GTF3C6: variants seen among roughly 807,000 people sequenced by gnomAD.
The protein encoded by GTF3C6 is general transcription factor IIIC subunit 6.
Under a neutral mutation model 19.2 loss-of-function variants are expected in GTF3C6, and 11 were observed. That is an observed-to-expected ratio of 0.57 (90% CI 0.36 to 0.95). The LOEUF is 0.95. Ranked by LOEUF, GTF3C6 falls within the 40% of genes least tolerant of loss-of-function variation. The probability of loss-of-function intolerance (pLI) is 0.01; values close to 1 mark genes in which losing one functional copy is unlikely to be tolerated. For synonymous variants in GTF3C6, 87 were observed against 84.2 expected (o/e 1.03, Z -0.18); for missense variants, 222 against 254.7 (o/e 0.87, Z 0.87).
At chr6:110,967,184 GTTT>G in intron 5 of GTF3C6, among the ~76,000 whole-genome samples, 1 of 151,976 alleles carries the variant, frequency 6.6e-6, no homozygotes, top group East Asian at 1.9e-4. Context: ...GAAGTGATAA[GTTT>G]CCTTGAAGGC....
chr6:110,959,386 A>G (rs1206875672), intron 2 of GTF3C6, 134 bp downstream of exon 2: 1 of 596,974 alleles, frequency 1.7e-6, no homozygotes, highest in East Asian at 3.0e-5. Context: ...AAGGATAAGA[A>G]GTATACTAAG....
chr6:110,958,806 G>C lies in GTF3C6; in HGVS notation c.37G>C (p.Gly13Arg). Residue 13 changes from glycine (G) to arginine (R), a missense_variant, in exon 1 of 6, where the codon GGA (glycine) becomes CGA (arginine). Transcript: ENST00000329970. ...AAADERSPED[G>R]EDEEEEEQLV... ...GGCGGACGAGCGGAGTCCAGAGGAC[G>C]GAGAAGACGAGGAAGAGGAGGTAGT... 1.3e-6 allele frequency: 2 copies of C among 1,551,228 alleles called. No homozygotes were observed. Among genetic ancestry groups the C allele is most frequent in the Non-Finnish European group, 1.7e-6 (2 of 1,146,962 alleles).
In GTF3C6 at chr6:110,960,613, C is replaced by T; in HGVS notation, c.244C>T (p.His82Tyr). Residue 82 changes from histidine to tyrosine, a missense_variant, in exon 4 of 6, where the codon CAT (histidine) becomes TAT (tyrosine). Transcript: ENST00000329970. Reference sequence around the variant, plus strand: ...TGTTATATTTGAAGAAAATGTTGAACATGGTAAGTGATTGCTAGCCCAGCC... The same window carrying T: ...TGTTATATTTGAAGAAAATGTTGAATATGGTAAGTGATTGCTAGCCCAGCC... The part of the protein sequence containing the change: ...TCVIFEENVE[H>Y]ADTEGNNKTV... 1.2e-6 allele frequency: 2 copies of T among 1,612,356 alleles called. No individual in the cohort carries two copies. Among genetic ancestry groups the T allele is most frequent in the Non-Finnish European group, 1.7e-6 (2 of 1,178,438 alleles).
At position 110,959,217 on chromosome 6, in the gene GTF3C6, T is replaced by G. The variant is rs941456492; in HGVS notation, c.103T>G (p.Phe35Val). ...ATTATCAGGAATTATTGATTCAGACTTCCTCTCAAAATGTGAAAATAAATG... is the reference window on the plus strand; with the variant it reads ...ATTATCAGGAATTATTGATTCAGACGTCCTCTCAAAATGTGAAAATAAATG... ...VELSGIIDSDFLSKCENKCKV... is the reference protein window; with the variant it reads ...VELSGIIDSDVLSKCENKCKV... The change falls in exon 2 of 6, where the codon TTC becomes GTC. Residue 35 changes from phenylalanine to valine, a missense_variant. By Grantham distance (50) the Phe-to-Val change is conservative. Coordinates refer to ENST00000329970, the MANE Select transcript of GTF3C6 (RefSeq NM_138408.4). The G allele has an allele frequency of 6.8e-6, 11 of 1,612,642 alleles. No homozygotes were observed. In the African/African-American group the frequency reaches 9.3e-5, roughly 14 times the overall value.
intron 4 of GTF3C6, among the ~76,000 whole-genome samples, chr6:110,961,532 T>G (rs1028184324): frequency 6.6e-6 from 1 of 152,178 alleles, no homozygotes; most frequent in African/African-American, 2.4e-5. Context: ...ACAGTAGCAA[T>G]GTATGGAAGT....
rs1771118904 is a variant in GTF3C6 at position 110,958,820 on chromosome 6, A to C, written c.51A>C (p.Glu17Asp). 1 of 1,551,144 alleles carries C rather than the reference A, an allele frequency of 6.4e-7. No individual in the cohort carries two copies. Among genetic ancestry groups the C allele is most frequent in the Non-Finnish European group, 8.7e-7 (1 of 1,146,890 alleles). ...GTCCAGAGGACGGAGAAGACGAGGAAGAGGAGGTAGTAAGCGCTACGCCAA... is the reference window on the plus strand; with the variant it reads ...GTCCAGAGGACGGAGAAGACGAGGACGAGGAGGTAGTAAGCGCTACGCCAA... Reference protein sequence around the residue: ...ERSPEDGEDEEEEEQLVLVEL... With the variant: ...ERSPEDGEDEDEEEQLVLVEL... The change falls in exon 1 of 6, where the codon GAA (glutamate) becomes GAC (aspartate). Residue 17 changes from glutamate (E) to aspartate (D), a missense_variant. Coordinates refer to ENST00000329970, the MANE Select transcript of GTF3C6 (RefSeq NM_138408.4).
chr6:110,965,752 T>C (rs962910442), intron 5 of GTF3C6, among the ~76,000 whole-genome samples: 2 of 152,188 alleles, frequency 1.3e-5, no homozygotes, highest in African/African-American at 2.4e-5. Context: ...TTTTGTTTAG[T>C]CAAGTAAATG....
intron 1 of GTF3C6, 123 bp downstream of exon 1, chr6:110,958,949 C>T (rs1583245681): frequency 8.4e-7 from 1 of 1,185,098 alleles, no homozygotes; most frequent in South Asian, 1.5e-5. Context: ...TCACCGGCTT[C>T]TTGCTCCTGG....
At chr6:110,959,742 G>A (rs1290615775) in intron 2 of GTF3C6, among the ~76,000 whole-genome samples, 2 of 152,054 alleles carry the variant, frequency 1.3e-5, no homozygotes, top group Non-Finnish European at 2.9e-5. Flanking sequence ...GGTAGATCAC[G>A]AGCCCAGGAG....
chr6:110,961,636 G>T (rs1247490076), intron 4 of GTF3C6, among the ~76,000 whole-genome samples: 2 of 152,170 alleles, frequency 1.3e-5, no homozygotes, highest in African/African-American at 4.8e-5. Flanking sequence ...CAGCAGGTTG[G>T]CAGCAATTTT....
At chr6:110,962,328 G>A (rs1771171080) in intron 4 of GTF3C6, 64 bp from the exon 5 acceptor site, 4 of 836,458 alleles carry the variant, frequency 4.8e-6, no homozygotes, top group South Asian at 3.0e-5. Flanking sequence ...GAATTACTAA[G>A]GCTTCATCTT....
At chr6:110,961,459 AAAG>A (rs1193138335) in intron 4 of GTF3C6, among the ~76,000 whole-genome samples, 2 of 152,034 alleles carry the variant, frequency 1.3e-5, no homozygotes, top group African/African-American at 4.8e-5. Context: ...CCAAGGAATA[AAAG>A]AAGGGCTACT....
intron 5 of GTF3C6, among the ~76,000 whole-genome samples, chr6:110,962,967 C>T (rs1464447719): frequency 1.3e-5 from 2 of 152,090 alleles, no homozygotes; most frequent in African/African-American, 4.8e-5. Flanking sequence ...TTAGTATAGA[C>T]GGGGTTTTAC....
At chr6:110,967,422 A>C (rs1013074797) in intron 5 of GTF3C6, 88 bp from the exon 6 acceptor site, 2 of 1,183,510 alleles carry the variant, frequency 1.7e-6, no homozygotes. Context: ...ACATGTATTC[A>C]TAGGATAGAA....
At chr6:110,962,996 C>T (rs143292964) in intron 5 of GTF3C6, among the ~76,000 whole-genome samples, 37 of 152,230 alleles carry the variant, frequency 2.4e-4, no homozygotes, top group African/African-American at 8.9e-4. Flanking sequence ...CCAGGATGCT[C>T]TCAATCTCTT....
chr6:110,961,163 T>G (rs1771155398), intron 4 of GTF3C6, among the ~76,000 whole-genome samples: 1 of 151,632 alleles, frequency 6.6e-6, no homozygotes, highest in Non-Finnish European at 1.5e-5. Flanking sequence ...AATTCTTTTT[T>G]TTTTTGAGAC....
chr6:110,960,788 A>G (rs1370230227), intron 4 of GTF3C6, among the ~76,000 whole-genome samples, 172 bp downstream of exon 4: 4 of 152,034 alleles, frequency 2.6e-5, no homozygotes, highest in Non-Finnish European at 4.4e-5. Flanking sequence ...AGGTGGCTCA[A>G]TCCTGTAATC....
chr6:110,958,940 C>G (rs2115347305), intron 1 of GTF3C6, 114 bp downstream of exon 1: 1 of 1,235,284 alleles, frequency 8.1e-7, no homozygotes. Flanking sequence ...CACTGCTCCT[C>G]ACCGGCTTCT....
intron 4 of GTF3C6, 88 bp from the exon 5 acceptor site, chr6:110,962,304 G>T: frequency 1.5e-6 from 1 of 686,002 alleles, no homozygotes; most frequent in South Asian, 1.8e-5. Flanking sequence ...AGTTTAATCT[G>T]ACTCCCTACA....
Sources: allele counts gnomAD v4.1 joint callset (sites outside exome capture counted in the v4.1 genomes callset), GRCh38; gene constraint gnomAD v4.1.1; transcripts MANE v1.5; gene names NCBI Gene and HGNC (gene_info 2026-07-23, HGNC 2026-07-21).